NDE1: variants seen among roughly 807,000 people sequenced by gnomAD.
NDE1 encodes the protein nudE neurodevelopment protein 1, also known as nuclear distribution protein nudE homolog 1.
In NDE1, 28 loss-of-function variants were observed where a neutral mutation model predicts 43.4. The observed-to-expected ratio is 0.65, with a 90% CI of 0.48 to 0.89. The LOEUF (loss-of-function observed/expected upper bound fraction) is 0.89. NDE1 is among the 40% of genes least tolerant of loss of function. The pLI, the probability that NDE1 is intolerant of heterozygous loss-of-function variation, is 0.00. For missense variants in NDE1, 441 were observed against 434.1 expected, an observed-to-expected ratio of 1.02 and a Z score of -0.14; for synonymous variants, 184 against 172.0, an observed-to-expected ratio of 1.07 and a Z score of -0.55.
At chr16:15,691,439 C>G in intron 6 of NDE1, 116 bp downstream of exon 6, 2 of 1,234,296 alleles carry the variant, frequency 1.6e-6, no homozygotes, top group Admixed American at 4.0e-5. Flanking sequence ...CTGATTTGCT[C>G]TCAGGCTTTG....
chr16:15,653,082 A>G lies in NDE1; in HGVS notation c.-44+2788A>G, dbSNP rs559500065. Among the ~76,000 whole-genome samples the G allele has an allele frequency of 2.6e-5, 4 of 152,282 alleles. No homozygotes were observed. In the East Asian group the frequency reaches 7.7e-4, roughly 29 times the overall value. ...GCTTGCTTTACCCCCATTCTGGTGC[A>G]TCCTCCAGACCCTTTTCTATTCTGT... On this transcript the variant is annotated intron_variant, in intron 1 of 8. Transcript: ENST00000396354.
intron 3 of NDE1, among the ~76,000 whole-genome samples, 188 bp downstream of exon 3, chr16:15,667,627 G>GTTTTTTTTTTTTTTTTTTTTTTTTTTTTT (rs1177615503): frequency 8.8e-6 from 1 of 113,124 alleles, no homozygotes. Context: ...GGTGCTTTTT[G>GTTTTTTTTTTTTTTTTTTTTTTTTTTTTT]TTTTGTTTTT....
At chr16:15,722,658 T>C (rs1316655669) in intron 8 of NDE1, among the ~76,000 whole-genome samples, 4 of 152,138 alleles carry the variant, frequency 2.6e-5, no homozygotes, top group African/African-American at 7.2e-5. Context: ...TGGGATGTTA[T>C]CTAGAATCCT....
chr16:15,675,525 C>T (rs1362983025), intron 3 of NDE1, among the ~76,000 whole-genome samples: 1 of 151,806 alleles, frequency 6.6e-6, no homozygotes, highest in Non-Finnish European at 1.5e-5. Flanking sequence ...CAGCCTCAAC[C>T]TCCTGGTCTC....
At chr16:15,661,618 A>ATTTTT (rs1417298714) in intron 1 of NDE1, among the ~76,000 whole-genome samples, 7 of 151,192 alleles carry the variant, frequency 4.6e-5, no homozygotes, top group South Asian at 2.1e-4. Flanking sequence ...TAGTTTTTGT[A>ATTTTT]TTTTTTGTAG....
At chr16:15,695,679 A>G in intron 7 of NDE1, 1 of 985,374 alleles carries the variant, frequency 1.0e-6, no homozygotes, top group Non-Finnish European at 1.2e-6. Context: ...TTGTCACTGT[A>G]CACAGTGTAT....
intron 8 of NDE1, among the ~76,000 whole-genome samples, chr16:15,722,945 T>C (rs1051194155): frequency 2.6e-5 from 4 of 152,096 alleles, no homozygotes; most frequent in African/African-American, 4.8e-5. Flanking sequence ...AGTTGCACGA[T>C]GTTGGCCAGG....
In NDE1 at chr16:15,694,207, C is replaced by T. The variant is rs139150117; in HGVS notation, c.746C>T (p.Ala249Val). Residue 249 changes from alanine to valine, a missense_variant, in exon 7 of 9, where the codon GCC (alanine) becomes GTC (valine). Ala to Val is a moderately conservative substitution (Grantham distance 64). Transcript: ENST00000396354. ...GGGGGGACCCCCCTCACACCTGCGG[C>T]CCGGATATCAGCCCTCAACATTGTG... ...STGGTPLTPA[A>V]RISALNIVGD... The T allele has an allele frequency of 9.9e-5, 159 of 1,613,316 alleles. No individual in the cohort carries two copies. Among genetic ancestry groups the T allele is most frequent in the Non-Finnish European group, 1.3e-4 (149 of 1,180,038 alleles).
At chr16:15,695,571 G>A in intron 7 of NDE1, 1 of 984,974 alleles carries the variant, frequency 1.0e-6, no homozygotes, top group African/African-American at 1.7e-5. Flanking sequence ...TAATTACAGG[G>A]AGGGATCCTT....
chr16:15,662,573 G>A (rs2037102840), intron 1 of NDE1, among the ~76,000 whole-genome samples: 1 of 151,714 alleles, frequency 6.6e-6, no homozygotes. Flanking sequence ...ATGAGCCACC[G>A]TGCCTGGTCT....
At chr16:15,700,959 G>A (rs189757119) in intron 8 of NDE1, among the ~76,000 whole-genome samples, 221 of 152,236 alleles carry the variant, frequency 1.5e-3, no homozygotes, top group Non-Finnish European at 2.7e-3. Flanking sequence ...GAATAGGCTG[G>A]GCGCGGTGGC....
At chr16:15,704,020 C>T in intron 8 of NDE1, 7 of 1,614,048 alleles carry the variant, frequency 4.3e-6, no homozygotes, top group Non-Finnish European at 5.9e-6. Flanking sequence ...CCATTGAAGT[C>T]TGCGTCTCGA....
intron 2 of NDE1, 91 bp downstream of exon 2, chr16:15,664,952 T>C: frequency 9.8e-7 from 1 of 1,017,774 alleles, no homozygotes; most frequent in South Asian, 1.3e-5. Context: ...TGGCTGTTCC[T>C]AGGCGTGATC....
At chr16:15,675,646 G>A (rs2037831782) in intron 3 of NDE1, among the ~76,000 whole-genome samples, 1 of 151,800 alleles carries the variant, frequency 6.6e-6, no homozygotes. Flanking sequence ...CAGGCTGGTC[G>A]AGAACTCCTG....
Position 15,650,276 on chromosome 16 carries a change from C to G in NDE1, c.-62C>G. The G allele has an allele frequency of 3.2e-6, 1 of 314,414 alleles. No individual in the cohort carries two copies. The highest frequency in any genetic ancestry group is 6.6e-6 in the Non-Finnish European group (1 of 152,450). 19.5% of individuals were successfully genotyped at this position (314,414 alleles called of 1,614,324 possible). On this transcript the variant is annotated 5_prime_UTR_variant, in exon 1 of 9. Transcript: ENST00000396354. ...GCCTCTGCCGCCGCCGCCGCGTTGG[C>G]CTCGCCGCCCCTGCTCGGGTAAGTG...
intron 4 of NDE1, among the ~76,000 whole-genome samples, chr16:15,681,506 C>G (rs1039268536): frequency 6.6e-6 from 1 of 151,886 alleles, no homozygotes; most frequent in East Asian, 1.9e-4. Flanking sequence ...CTCGGTCTGT[C>G]CACCTTGGCC....
chr16:15,663,069 G>A (rs1418442366), intron 1 of NDE1, among the ~76,000 whole-genome samples: 3 of 152,032 alleles, frequency 2.0e-5, no homozygotes, highest in Non-Finnish European at 2.9e-5. Flanking sequence ...TGCAAAAGCC[G>A]TCTGTGACTT....
chr16:15,661,443 C>T (rs1033818532), intron 1 of NDE1, among the ~76,000 whole-genome samples: 46 of 151,752 alleles, frequency 3.0e-4, no homozygotes, highest in African/African-American at 1.0e-3. Flanking sequence ...CCACCGCGCC[C>T]GGCCGAGTTT....
chr16:15,714,769 T>C, intron 8 of NDE1: 1 of 1,109,964 alleles, frequency 9.0e-7, no homozygotes. Flanking sequence ...GCTTAGTGAT[T>C]AAGGAGAAGC....
Sources: gnomAD v4.1 joint callset for allele counts (sites outside exome capture counted in the v4.1 genomes callset) on GRCh38, gnomAD v4.1.1 for gene constraint, MANE v1.5 for transcripts, NCBI Gene and HGNC (gene_info 2026-07-23, HGNC 2026-07-21) for gene names.